Variants in NRG1 observed in about 807,000 individuals in gnomAD.
NRG1 encodes pro-neuregulin-1, membrane-bound isoform.
NRG1 carries 18 observed loss-of-function variants against 63.8 expected under a neutral mutation model. The observed-to-expected ratio is 0.28, with a 90% CI of 0.19 to 0.42. The LOEUF (loss-of-function observed/expected upper bound fraction) is 0.42, where lower values mean the gene tolerates loss of function less well. Among genes scored for constraint, NRG1 ranks in the 10% least tolerant of loss-of-function variants. The pLI, the probability that NRG1 is intolerant of heterozygous loss-of-function variation, is 1.00. For synonymous variants in NRG1, 302 were observed against 301.3 expected (o/e 1.00, Z -0.02); for missense variants, 762 against 814.7 (o/e 0.94, Z 0.79).
intron 1 of NRG1, among the ~76,000 whole-genome samples, chr8:32,208,100 C>T (rs1004279509): frequency 1.8e-4 from 28 of 152,016 alleles, no homozygotes; most frequent in Admixed American, 1.8e-3. Flanking sequence ...GTGTTCTCAT[C>T]GAATAATTCT....
At chr8:32,048,432 C>T (rs563101774) in intron 1 of NRG1, among the ~76,000 whole-genome samples, 4 of 91,616 alleles carry the variant, frequency 4.4e-5, no homozygotes, top group African/African-American at 1.8e-4. Context: ...TGCATATGTA[C>T]ACATATATAC....
intron 1 of NRG1, among the ~76,000 whole-genome samples, chr8:32,532,225 A>G (rs35212579): frequency 0.16 from 24,013 of 152,178 alleles, 2,202 homozygotes; most frequent in Non-Finnish European, 0.19. Flanking sequence ...AAGTTCACCA[A>G]TGATTCTTCA....
intron 5 of NRG1, among the ~76,000 whole-genome samples, chr8:32,695,369 G>C (rs978518155): frequency 6.6e-6 from 1 of 151,534 alleles, no homozygotes; most frequent in African/African-American, 2.4e-5. Flanking sequence ...AAGAGAGAGA[G>C]GGTGAGAGAG....
At chr8:32,055,068 T>C (rs1035744188) in intron 1 of NRG1, among the ~76,000 whole-genome samples, 1 of 151,678 alleles carries the variant, frequency 6.6e-6, no homozygotes, top group African/African-American at 2.4e-5. Flanking sequence ...TTTTGTATTT[T>C]TAGTAGAGAC....
chr8:32,763,100 A>G, intron 11 of NRG1: 1 of 1,062,104 alleles, frequency 9.4e-7, no homozygotes, highest in Non-Finnish European at 1.4e-6. Flanking sequence ...ACTGGGATGG[A>G]TAGTTCCAAA....
rs1193954394 is a variant in NRG1 at position 32,648,137 on chromosome 8, C to T, written c.502+31252C>T. 8 of 1,614,176 alleles carry T rather than the reference C, an allele frequency of 5.0e-6. No homozygotes were observed. The Admixed American group carries it at 1.3e-4, about 27-fold the overall frequency. ...CTGTGTGGGTGTCGTCTGAGGCATACACTTCACCTGTCTCTAGGGCTCAAT... is the reference window on the plus strand; with the variant it reads ...CTGTGTGGGTGTCGTCTGAGGCATATACTTCACCTGTCTCTAGGGCTCAAT... On this transcript the variant is annotated intron_variant, in intron 5 of 11. Coordinates refer to ENST00000356819, the Ensembl canonical transcript of NRG1.
intron 1 of NRG1, among the ~76,000 whole-genome samples, chr8:32,572,963 AT>A (rs1838892811): frequency 6.6e-6 from 1 of 152,092 alleles, no homozygotes; most frequent in African/African-American, 2.4e-5. Context: ...TTTCGCCACC[AT>A]TTTTCCTAAT....
intron 1 of NRG1, among the ~76,000 whole-genome samples, chr8:32,532,104 A>T (rs930666219): frequency 6.6e-6 from 1 of 152,136 alleles, no homozygotes; most frequent in African/African-American, 2.4e-5. Context: ...CCACACATGC[A>T]CCAGACAAGC....
chr8:32,015,461 T>A (rs1815370898), intron 1 of NRG1, among the ~76,000 whole-genome samples: 1 of 152,098 alleles, frequency 6.6e-6, no homozygotes, highest in East Asian at 1.9e-4. Flanking sequence ...AAGCAAAAAC[T>A]TTTTCTTAGC....
chr8:32,214,007 C>T (rs760841622), intron 1 of NRG1, among the ~76,000 whole-genome samples: 4 of 152,052 alleles, frequency 2.6e-5, no homozygotes, highest in Non-Finnish European at 5.9e-5. Flanking sequence ...TATGGGAAAC[C>T]TATTGTAGAT....
chr8:31,857,193 C>T (rs567575336), intron 1 of NRG1, among the ~76,000 whole-genome samples: 53 of 152,376 alleles, frequency 3.5e-4, no homozygotes, highest in Middle Eastern at 3.4e-3. Flanking sequence ...TGGGCAATGG[C>T]GGGCGCCCCT....
chr8:31,842,443 A>G (rs888216843), intron 1 of NRG1, among the ~76,000 whole-genome samples: 7 of 152,214 alleles, frequency 4.6e-5, no homozygotes, highest in Non-Finnish European at 1.0e-4. Context: ...ATAATATCCA[A>G]TGAAGCCATT....
chr8:32,223,341 G>C (rs1022129186), intron 1 of NRG1, among the ~76,000 whole-genome samples: 2 of 152,156 alleles, frequency 1.3e-5, no homozygotes, highest in African/African-American at 4.8e-5. Context: ...CATTGCAAAG[G>C]TGTAATACTT....
intron 1 of NRG1, among the ~76,000 whole-genome samples, chr8:32,565,552 A>G (rs574358882): frequency 2.6e-4 from 40 of 151,966 alleles, no homozygotes; most frequent in Non-Finnish European, 4.1e-4. Context: ...CCCTTCACTC[A>G]TTGACTCTTC....
chr8:32,467,643 C>G (rs1345932088), intron 1 of NRG1, among the ~76,000 whole-genome samples: 1 of 152,096 alleles, frequency 6.6e-6, no homozygotes, highest in Non-Finnish European at 1.5e-5. Context: ...AAGGATAAAC[C>G]AAATGTAGAT....
At chr8:32,037,071 T>G (rs2130582602) in intron 1 of NRG1, among the ~76,000 whole-genome samples, 1 of 152,336 alleles carries the variant, frequency 6.6e-6, no homozygotes, top group Admixed American at 6.5e-5. Flanking sequence ...TGCATGGGTT[T>G]ATTTACCTTT....
chr8:31,790,330 A>G (rs928131726), intron 1 of NRG1, among the ~76,000 whole-genome samples: 1 of 152,326 alleles, frequency 6.6e-6, no homozygotes. Flanking sequence ...AGAAATTAGG[A>G]CAAGAAACTA....
At chr8:32,107,852 A>C (rs980171483) in intron 1 of NRG1, among the ~76,000 whole-genome samples, 3 of 152,316 alleles carry the variant, frequency 2.0e-5, no homozygotes, top group Admixed American at 6.5e-5. Flanking sequence ...GCTCTTTTGA[A>C]ATATGTATAA....
chr8:31,860,524 T>C (rs1019523636), intron 1 of NRG1, among the ~76,000 whole-genome samples: 4 of 152,154 alleles, frequency 2.6e-5, no homozygotes, highest in Non-Finnish European at 5.9e-5. Flanking sequence ...TGCCCATTAT[T>C]TTTTTGCATG....
Sources: allele counts gnomAD v4.1 joint callset (sites outside exome capture counted in the v4.1 genomes callset), GRCh38; gene constraint gnomAD v4.1.1; transcripts MANE v1.5; gene names NCBI Gene and HGNC (gene_info 2026-07-23, HGNC 2026-07-21).